SLC36A1: variants seen among roughly 807,000 people sequenced by gnomAD.
The protein encoded by SLC36A1 is solute carrier family 36 member 1.
A neutral mutation model predicts 47.5 loss-of-function variants in SLC36A1; 30 were observed. The ratio of observed to expected loss-of-function variants is 0.63; its 90% CI spans 0.47 to 0.86. SLC36A1 has a LOEUF of 0.86. Ranked by LOEUF, SLC36A1 falls within the 40% of genes least tolerant of loss-of-function variation. The probability of loss-of-function intolerance (pLI) is 0.00; values close to 1 mark genes in which losing one functional copy is unlikely to be tolerated. For missense variants in SLC36A1, 517 were observed against 606.0 expected (o/e 0.85, Z 1.54); for synonymous variants, 255 against 249.7 (o/e 1.02, Z -0.20).
chr5:151,419,955 G>C, the SLC36A1 span: 8 of 152,266 alleles, frequency 5.3e-5, no homozygotes, highest in Admixed American at 5.2e-4. Context: ...CTGCATTGCA[G>C]TATCTCCATA....
the SLC36A1 span, among the ~76,000 whole-genome samples, chr5:151,412,357 A>G: frequency 6.9e-6 from 1 of 145,010 alleles, no homozygotes; most frequent in Middle Eastern, 3.5e-3. Context: ...TGATAATTCC[A>G]TATATATGTC....
chr5:151,389,814 G>T, the SLC36A1 span, among the ~76,000 whole-genome samples: 1 of 151,944 alleles, frequency 6.6e-6, no homozygotes, highest in Non-Finnish European at 1.5e-5. Context: ...ATCACTGATG[G>T]ACATTTGGGT....
chr5:151,536,594 C>A, the SLC36A1 span, among the ~76,000 whole-genome samples: 4 of 152,218 alleles, frequency 2.6e-5, no homozygotes, highest in African/African-American at 9.7e-5. Context: ...CACAGCCCAG[C>A]CTCTCCTGGC....
At chr5:151,477,014 G>T (rs1758162885) in intron 9 of SLC36A1, 2 of 602,464 alleles carry the variant, frequency 3.3e-6, no homozygotes, top group South Asian at 1.5e-5. Context: ...CCTAAGCTCA[G>T]AAGGACCGAG....
the SLC36A1 span, among the ~76,000 whole-genome samples, chr5:151,515,567 C>T: frequency 6.6e-6 from 1 of 152,220 alleles, no homozygotes; most frequent in Non-Finnish European, 1.5e-5. Flanking sequence ...TACCCTTCCC[C>T]AGGCCTGCTG....
chr5:151,466,615 T>C (rs1399409842), intron 5 of SLC36A1, among the ~76,000 whole-genome samples: 1 of 152,200 alleles, frequency 6.6e-6, no homozygotes, highest in Non-Finnish European at 1.5e-5. Flanking sequence ...TTCTGTGTCC[T>C]TAATGTGGGA....
chr5:151,467,340 AG>A, intron 6 of SLC36A1, 57 bp downstream of exon 6: 1 of 1,174,364 alleles, frequency 8.5e-7, no homozygotes, highest in Non-Finnish European at 1.2e-6. Flanking sequence ...GAATGGCAAA[AG>A]ATGATTGAAG....
chr5:151,536,741 C>T, the SLC36A1 span, among the ~76,000 whole-genome samples: 11 of 152,336 alleles, frequency 7.2e-5, no homozygotes, highest in Non-Finnish European at 1.0e-4. Context: ...TGTGTTATAA[C>T]AATTCTATGA....
At chr5:151,417,336 G>A in the SLC36A1 span, among the ~76,000 whole-genome samples, 2 of 152,198 alleles carry the variant, frequency 1.3e-5, no homozygotes, top group Admixed American at 6.5e-5. Flanking sequence ...TGATGTGGAC[G>A]ATGAAGTCCA....
the SLC36A1 span, among the ~76,000 whole-genome samples, chr5:151,374,146 G>A: frequency 2.0e-5 from 3 of 152,114 alleles, no homozygotes; most frequent in Non-Finnish European, 2.9e-5. Context: ...TACCCTGGCC[G>A]GAAGACACCT....
At chr5:151,362,007 TC>T in the SLC36A1 span, among the ~76,000 whole-genome samples, 2 of 152,222 alleles carry the variant, frequency 1.3e-5, no homozygotes, top group Admixed American at 1.3e-4. Flanking sequence ...CCTCTCTCTG[TC>T]CTTGACTTTT....
chr5:151,511,033 G>T, the SLC36A1 span: 1 of 152,344 alleles, frequency 6.6e-6, no homozygotes, highest in Non-Finnish European at 1.5e-5. Flanking sequence ...CCATGCACAG[G>T]TCTGTGCTGG....
chr5:151,505,286 C>T, the SLC36A1 span: 1 of 512,658 alleles, frequency 2.0e-6, no homozygotes, highest in South Asian at 2.5e-5. Flanking sequence ...CTCTCGCCCA[C>T]CCCGGGAGTC....
At chr5:151,364,037 T>C in the SLC36A1 span, among the ~76,000 whole-genome samples, 36 of 152,254 alleles carry the variant, frequency 2.4e-4, no homozygotes, top group African/African-American at 8.4e-4. Context: ...GATTTAATAC[T>C]GCATCTTTAT....
chr5:151,399,082 A>AT, the SLC36A1 span, among the ~76,000 whole-genome samples: 19 of 89,090 alleles, frequency 2.1e-4, no homozygotes, highest in Non-Finnish European at 3.0e-4. Flanking sequence ...ATATATATAT[A>AT]TATTTTTTTT....
the SLC36A1 span, among the ~76,000 whole-genome samples, chr5:151,529,620 T>C: frequency 6.6e-6 from 1 of 152,242 alleles, no homozygotes; most frequent in Non-Finnish European, 1.5e-5. Flanking sequence ...TTCCCTCACT[T>C]ACTTCTGTAA....
At chr5:151,509,943 T>C in the SLC36A1 span, 6 of 1,523,350 alleles carry the variant, frequency 3.9e-6, no homozygotes, top group Non-Finnish European at 5.4e-6. Context: ...TGGCCTCCCA[T>C]TGGACTTTCT....
At chr5:151,486,895 G>C (rs188684661) in intron 10 of SLC36A1, among the ~76,000 whole-genome samples, 1 of 152,280 alleles carries the variant, frequency 6.6e-6, no homozygotes, top group Admixed American at 6.5e-5. Context: ...TACTAATGAT[G>C]ATAACATTAA....
chr5:151,381,159 G>A, the SLC36A1 span: 6 of 462,128 alleles, frequency 1.3e-5, no homozygotes, highest in South Asian at 1.8e-5. Flanking sequence ...ATGGCTGTGT[G>A]GAAGGAGCTG....
Sources: gnomAD v4.1 joint callset for allele counts (sites outside exome capture counted in the v4.1 genomes callset) on GRCh38, gnomAD v4.1.1 for gene constraint, MANE v1.5 for transcripts, NCBI Gene and HGNC (gene_info 2026-07-23, HGNC 2026-07-21) for gene names.